Variants in LRRTM4 observed in about 807,000 individuals in gnomAD.
LRRTM4 encodes leucine-rich repeat transmembrane neuronal protein 4.
In LRRTM4, 25 loss-of-function variants were observed where a neutral mutation model predicts 47.6. That is an observed-to-expected ratio of 0.53 (90% CI 0.38 to 0.73). The LOEUF (loss-of-function observed/expected upper bound fraction) is 0.73. Ranked by LOEUF, LRRTM4 falls within the 30% of genes least tolerant of loss-of-function variation. The pLI is 0.00. For missense variants in LRRTM4, 638 were observed against 713.4 expected (o/e 0.89, Z 1.20); for synonymous variants, 311 against 269.5 (o/e 1.15, Z -1.51).
At position 77,278,989 on chromosome 2, in the gene LRRTM4, G is replaced by A. The variant is rs142079667; in HGVS notation, c.1551+239329C>T. Among the ~76,000 whole-genome samples the A allele has an allele frequency of 1.4e-3, 216 of 152,062 alleles. 3 individuals carry two copies. The highest frequency in any genetic ancestry group is 4.9e-3 in the African/African-American group (205 of 41,516). On this transcript the variant is annotated intron_variant, in intron 3 of 3. Transcript: ENST00000409884. ...ATAGGCAATGATGACTCTGTAAACT[G>A]GGAAAGAAAGTGGAGCATGATGCAT...
chr2:77,228,266 C>T (rs780947634), intron 3 of LRRTM4, among the ~76,000 whole-genome samples: 1 of 152,036 alleles, frequency 6.6e-6, no homozygotes, highest in Non-Finnish European at 1.5e-5. Context: ...TTTATATTTA[C>T]ATTGGTAAGT....
chr2:76,779,345 A>G (rs1404947915), intron 3 of LRRTM4, among the ~76,000 whole-genome samples: 1 of 150,708 alleles, frequency 6.6e-6, no homozygotes, highest in East Asian at 1.9e-4. Flanking sequence ...TGATCTGTCT[A>G]ATGTTGACAG....
At chr2:77,262,419 G>A (rs1481638335) in intron 3 of LRRTM4, among the ~76,000 whole-genome samples, 1 of 151,654 alleles carries the variant, frequency 6.6e-6, no homozygotes, top group African/African-American at 2.4e-5. Context: ...ACATTAGTAT[G>A]GTACATTTGT....
At chr2:77,515,569 G>A (rs1679174639) in intron 3 of LRRTM4, among the ~76,000 whole-genome samples, 1 of 151,434 alleles carries the variant, frequency 6.6e-6, no homozygotes, top group Non-Finnish European at 1.5e-5. Context: ...AAATATTTAT[G>A]GCTTTATTGG....
At chr2:76,979,725 GAT>G in intron 3 of LRRTM4, among the ~76,000 whole-genome samples, 1 of 146,680 alleles carries the variant, frequency 6.8e-6, no homozygotes, top group East Asian at 2.1e-4. Context: ...TAGATAGATA[GAT>G]GCATACATAC....
chr2:77,278,628 G>T (rs1313181515), intron 3 of LRRTM4, among the ~76,000 whole-genome samples: 4 of 151,928 alleles, frequency 2.6e-5, no homozygotes, highest in Admixed American at 1.3e-4. Context: ...GACTTTCAAG[G>T]CATGGTTAAG....
At chr2:77,182,961 G>C (rs577589031) in intron 3 of LRRTM4, among the ~76,000 whole-genome samples, 76 of 152,258 alleles carry the variant, frequency 5.0e-4, no homozygotes, top group Middle Eastern at 3.4e-3. Context: ...TTACATGTTA[G>C]ACCTAAAACC....
At chr2:77,043,602 TAAGC>T (rs934654943) in intron 3 of LRRTM4, among the ~76,000 whole-genome samples, 38 of 151,920 alleles carry the variant, frequency 2.5e-4, no homozygotes, top group African/African-American at 8.9e-4. Context: ...GAGAAAGAGT[TAAGC>T]AAGTGCTGTC....
chr2:77,429,407 T>C lies in LRRTM4; in HGVS notation c.1551+88911A>G, dbSNP rs557800074. 2.0e-5 allele frequency among the ~76,000 whole-genome samples: 3 copies of C among 152,252 alleles called. No individual in the cohort carries two copies. In the South Asian group the frequency reaches 6.2e-4, roughly 32 times the overall value. On this transcript the variant is annotated intron_variant, in intron 3 of 3. Coordinates refer to ENST00000409884, the MANE Select transcript of LRRTM4 (RefSeq NM_001134745.3). ...TTAAAAGACTCCTGCACTCCCATGA[T>C]TTTGCAGCATTATTCGCAATAGCCA...
chr2:76,849,442 T>C (rs1456418052), intron 3 of LRRTM4, among the ~76,000 whole-genome samples: 1 of 152,052 alleles, frequency 6.6e-6, no homozygotes, highest in Non-Finnish European at 1.5e-5. Flanking sequence ...CCCAGATGTA[T>C]TGTGGGGGGA....
intron 3 of LRRTM4, among the ~76,000 whole-genome samples, chr2:77,321,721 G>A (rs921649296): frequency 6.6e-6 from 1 of 152,042 alleles, no homozygotes; most frequent in Non-Finnish European, 1.5e-5. Context: ...ACATTAGCAG[G>A]AAAGGAGTGA....
intron 3 of LRRTM4, among the ~76,000 whole-genome samples, chr2:77,270,843 T>G (rs566308402): frequency 6.6e-6 from 1 of 152,246 alleles, no homozygotes; most frequent in Non-Finnish European, 1.5e-5. Flanking sequence ...ACCTATTTCA[T>G]GTGTAACTAC....
intron 3 of LRRTM4, among the ~76,000 whole-genome samples, chr2:77,179,758 T>A (rs1673299738): frequency 6.6e-6 from 1 of 152,134 alleles, no homozygotes; most frequent in South Asian, 2.1e-4. Context: ...ATCAGCATAA[T>A]CACCTTACAT....
Position 77,077,205 on chromosome 2 carries a change from C to T in LRRTM4, c.1552-328289G>A, listed in dbSNP as rs543835068. On this transcript the variant is annotated intron_variant, in intron 3 of 3. Coordinates refer to ENST00000409884, the MANE Select transcript of LRRTM4 (RefSeq NM_001134745.3). Reference sequence around the variant, plus strand: ...TGATATAACACTTCTTTTCATGTAGCAAATCATTTTATCACTTAAAACAGA... The same window carrying T: ...TGATATAACACTTCTTTTCATGTAGTAAATCATTTTATCACTTAAAACAGA... Among the ~76,000 whole-genome samples the T allele has an allele frequency of 2.5e-4, 38 of 152,170 alleles. No homozygotes were observed. In the South Asian group the frequency reaches 7.7e-3, roughly 31 times the overall value.
At chr2:77,340,708 A>T (rs1437799922) in intron 3 of LRRTM4, among the ~76,000 whole-genome samples, 1 of 151,960 alleles carries the variant, frequency 6.6e-6, no homozygotes, top group Non-Finnish European at 1.5e-5. Flanking sequence ...TTTATCATTT[A>T]TTGAGCATGA....
intron 3 of LRRTM4, among the ~76,000 whole-genome samples, chr2:77,035,749 G>A (rs1317429806): frequency 2.6e-5 from 4 of 151,748 alleles, no homozygotes; most frequent in Non-Finnish European, 5.9e-5. Flanking sequence ...TAGGTTATGA[G>A]TGCACCACAA....
chr2:76,904,479 A>C (rs986813287), intron 3 of LRRTM4, among the ~76,000 whole-genome samples: 3 of 152,206 alleles, frequency 2.0e-5, no homozygotes, highest in Non-Finnish European at 2.9e-5. Context: ...TATCTTTGTA[A>C]GGGAAAATAT....
chr2:77,230,213 CATTA>C (rs1674926704), intron 3 of LRRTM4, among the ~76,000 whole-genome samples: 1 of 152,094 alleles, frequency 6.6e-6, no homozygotes, highest in Non-Finnish European at 1.5e-5. Context: ...ACAACCACAT[CATTA>C]ATTATTAACC....
intron 3 of LRRTM4, among the ~76,000 whole-genome samples, chr2:77,091,947 A>G (rs138799955): frequency 0.39 from 52,797 of 135,236 alleles, 12,988 homozygotes; most frequent in African/African-American, 0.69. Context: ...TTACACAAGA[A>G]CCAGGACCAC....
Sources: gnomAD v4.1 joint callset for allele counts (sites outside exome capture counted in the v4.1 genomes callset) on GRCh38, gnomAD v4.1.1 for gene constraint, MANE v1.5 for transcripts, NCBI Gene and HGNC (gene_info 2026-07-23, HGNC 2026-07-21) for gene names.